Variants in UBAP2 observed in about 807,000 individuals in gnomAD.
The protein encoded by UBAP2 is ubiquitin associated protein 2.
A neutral mutation model predicts 139.6 loss-of-function variants in UBAP2; 75 were observed. The ratio of observed to expected loss-of-function variants is 0.54; its 90% CI spans 0.45 to 0.65. UBAP2 has a LOEUF of 0.65. Among genes scored for constraint, UBAP2 ranks in the 30% least tolerant of loss-of-function variants. The pLI is 0.00. For missense variants in UBAP2, 1,368 were observed against 1,369.6 expected, an observed-to-expected ratio of 1.00 and a Z score of 0.02; for synonymous variants, 526 against 526.2, an observed-to-expected ratio of 1.00 and a Z score of 0.01.
At chr9:34,017,245 C>T (rs983284408) in intron 1 of UBAP2, 56 bp from the exon 2 acceptor site, 1 of 751,200 alleles carries the variant, frequency 1.3e-6, no homozygotes, top group Non-Finnish European at 2.0e-6. Context: ...TAAGCATGTA[C>T]TTCAGAGAAA....
At chr9:33,960,056 A>G (rs1826915502) in intron 10 of UBAP2, among the ~76,000 whole-genome samples, 1 of 151,956 alleles carries the variant, frequency 6.6e-6, no homozygotes, top group Non-Finnish European at 1.5e-5. Context: ...TAGCCTCCTG[A>G]GTAGCTGAGA....
Position 33,948,309 on chromosome 9 carries a change from A to C in UBAP2, c.1270+65T>G, listed in dbSNP as rs1825811654. On this transcript the variant is annotated intron_variant, in intron 13 of 28. Coordinates refer to ENST00000379238, the MANE Select transcript of UBAP2 (RefSeq NM_001370062.2). Reference sequence around the variant, plus strand: ...AATTCCACATTAGTCTTCACAAGTCAACACACTCTGCCAAAGCTTGAAACG... The same window carrying C: ...AATTCCACATTAGTCTTCACAAGTCCACACACTCTGCCAAAGCTTGAAACG... 3 of 1,421,308 alleles carry C rather than the reference A, an allele frequency of 2.1e-6. No individual in the cohort carries two copies. The East Asian group carries it at 6.9e-5, about 33-fold the overall frequency. 88.0% of individuals were successfully genotyped at this position (1,421,308 alleles called of 1,614,324 possible).
At chr9:33,998,043 T>C (rs1822344056) in intron 3 of UBAP2, 1 of 152,200 alleles carries the variant, frequency 6.6e-6, no homozygotes, top group South Asian at 2.1e-4. Flanking sequence ...CTTATTAAAG[T>C]TCAAAATGAA....
At chr9:33,958,608 A>G (rs992804580) in intron 10 of UBAP2, among the ~76,000 whole-genome samples, 3 of 150,558 alleles carry the variant, frequency 2.0e-5, no homozygotes, top group Non-Finnish European at 4.4e-5. Flanking sequence ...CGGTTTCACC[A>G]CGTTGGCCAG....
At chr9:34,010,118 CTAT>C (rs1424567860) in intron 2 of UBAP2, among the ~76,000 whole-genome samples, 5 of 34,178 alleles carry the variant, frequency 1.5e-4, no homozygotes, top group Non-Finnish European at 2.4e-4. Flanking sequence ...GAGGTCCTGT[CTAT>C]TAAAAAAAAA....
At chr9:33,986,058 T>G (rs1821179935) in intron 6 of UBAP2, among the ~76,000 whole-genome samples, 1 of 152,018 alleles carries the variant, frequency 6.6e-6, no homozygotes, top group Non-Finnish European at 1.5e-5. Flanking sequence ...TTTTTGTATT[T>G]TGTATTTTTT....
In UBAP2 at chr9:33,944,401, G is replaced by T. The variant is rs772388646; in HGVS notation, c.1509C>A (p.Ile503=). The T allele has an allele frequency of 4.3e-6, 7 of 1,613,970 alleles. No individual in the cohort carries two copies. The highest frequency in any genetic ancestry group is 1.7e-5 in the Admixed American group (1 of 59,996). Residue 503 remains isoleucine, a synonymous_variant, in exon 14 of 29, where the codon ATC becomes ATA. Coordinates refer to ENST00000379238, the MANE Select transcript of UBAP2 (RefSeq NM_001370062.2). ...GGGGTATCCGCCGCTTAGCAAGTTT[G>T]ATGTGTTTGGGCTGTGGCTGGTGGA... The part of the protein sequence containing the change: ...VSVHQPQPKH[I]KLAKRRIPPA...
rs1193240787 is a variant in UBAP2, at chr9:33,981,175, TA to T, written c.520+5584del. ...TATATATATTCTGGATATATATATA[TA>T]TATTCTGGATATATATATATATATT... On this transcript the variant is annotated intron_variant, in intron 6 of 28. Coordinates refer to ENST00000379238, the MANE Select transcript of UBAP2 (RefSeq NM_001370062.2). Among the ~76,000 whole-genome samples the T allele has an allele frequency of 2.9e-4, 12 of 40,876 alleles. 4 individuals carry two copies. The highest frequency in any genetic ancestry group is 7.9e-4 in the Admixed American group (2 of 2,524). The allele number at this position is 40,876 out of a possible 152,430, so 26.8% of individuals were successfully genotyped here.
intron 10 of UBAP2, among the ~76,000 whole-genome samples, chr9:33,960,278 A>G (rs577098487): frequency 5.9e-5 from 9 of 152,146 alleles, no homozygotes; most frequent in Admixed American, 5.9e-4. Flanking sequence ...TCTCCCAATC[A>G]TCTTGACAAT....
intron 1 of UBAP2, among the ~76,000 whole-genome samples, chr9:34,023,992 C>T (rs144742733): frequency 0.016 from 2,432 of 151,558 alleles, 57 homozygotes; most frequent in African/African-American, 0.055. Context: ...TGCAGGGAGC[C>T]GAGATGGCGC....
At chr9:33,927,677 A>T in intron 20 of UBAP2, 120 bp downstream of exon 20, 1 of 1,035,034 alleles carries the variant, frequency 9.7e-7, no homozygotes, top group Non-Finnish European at 1.4e-6. Context: ...GGTCAGTGGA[A>T]CACGCAGCGC....
intron 16 of UBAP2, among the ~76,000 whole-genome samples, chr9:33,939,076 T>C (rs1409732742): frequency 6.6e-6 from 1 of 151,914 alleles, no homozygotes; most frequent in Non-Finnish European, 1.5e-5. Flanking sequence ...CCCATTTTAC[T>C]CAGTTTATAT....
rs990497731 is a variant in UBAP2 at position 34,028,709 on chromosome 9, C to A, written c.-41-11520G>T. Among the ~76,000 whole-genome samples, 4 of 151,704 alleles carry A rather than the reference C, an allele frequency of 2.6e-5. No homozygotes were observed. In the South Asian group the frequency reaches 6.2e-4, roughly 24 times the overall value. On this transcript the variant is annotated intron_variant, in intron 1 of 28. Coordinates refer to ENST00000379238, the MANE Select transcript of UBAP2 (RefSeq NM_001370062.2). ...ACCTTGTCTTTTGCCCAGCAGGTAACCAGGACTCTTCACCCTGGAATCTCT... is the reference window on the plus strand; with the variant it reads ...ACCTTGTCTTTTGCCCAGCAGGTAAACAGGACTCTTCACCCTGGAATCTCT...
At chr9:34,016,931 TC>T in intron 2 of UBAP2, 118 bp downstream of exon 2, 1 of 695,628 alleles carries the variant, frequency 1.4e-6, no homozygotes, top group Non-Finnish European at 2.3e-6. Flanking sequence ...TCATATGCTC[TC>T]CCTTAATTTC....
intron 1 of UBAP2, among the ~76,000 whole-genome samples, chr9:34,044,436 A>G (rs1587710718): frequency 6.6e-6 from 1 of 151,786 alleles, no homozygotes; most frequent in Admixed American, 6.6e-5. Context: ...GTGGTGATGC[A>G]TGCCTGTAGT....
chr9:33,928,192 A>G, intron 19 of UBAP2, 200 bp from the exon 20 acceptor site: 2 of 547,400 alleles, frequency 3.7e-6, no homozygotes, highest in South Asian at 2.8e-5. Context: ...TCCAGCCATC[A>G]GGATACAATA....
intron 2 of UBAP2, among the ~76,000 whole-genome samples, chr9:34,011,444 TAAC>T (rs1267271455): frequency 8.5e-5 from 13 of 152,132 alleles, no homozygotes; most frequent in African/African-American, 3.1e-4. Flanking sequence ...CATTTAACAA[TAAC>T]AATATAGTAA....
At chr9:33,926,558 AG>A in intron 22 of UBAP2, 58 bp downstream of exon 22, 2 of 1,590,124 alleles carry the variant, frequency 1.3e-6, no homozygotes, top group Non-Finnish European at 8.6e-7. Flanking sequence ...AGACCATAAG[AG>A]GGGGGACATG....
chr9:33,924,276 ATAG>A lies in UBAP2; in HGVS notation c.2517_2519del (p.Tyr840del). The A allele has an allele frequency of 6.2e-7, 1 of 1,614,038 alleles. No homozygotes were observed. Among genetic ancestry groups the A allele is most frequent in the Non-Finnish European group, 8.5e-7 (1 of 1,179,964 alleles). On this transcript the variant is annotated inframe_deletion, in exon 23 of 29. Transcript: ENST00000379238. ...CTGTGGGTGCAGCAAAGGGAATTCCATAGTAGTCCTAGGAGAGACCAGGGAGGC... is the reference window on the plus strand; with the variant it reads ...CTGTGGGTGCAGCAAAGGGAATTCCATAGTCCTAGGAGAGACCAGGGAGGC...
Sources: allele counts gnomAD v4.1 joint callset (sites outside exome capture counted in the v4.1 genomes callset), GRCh38; gene constraint gnomAD v4.1.1; transcripts MANE v1.5; gene names NCBI Gene and HGNC (gene_info 2026-07-23, HGNC 2026-07-21).